The following CDH8 variants were observed in gnomAD, a reference collection of about 807,000 sequenced individuals.
The protein encoded by CDH8 is cadherin-8.
A neutral mutation model predicts 68.1 loss-of-function variants in CDH8; 17 were observed. That is an observed-to-expected ratio of 0.25 (90% CI 0.17 to 0.37). The LOEUF (loss-of-function observed/expected upper bound fraction) is 0.37. CDH8 is among the 10% of genes least tolerant of loss of function. CDH8 has a pLI of 1.00. For missense variants in CDH8, 763 were observed against 999.3 expected, an observed-to-expected ratio of 0.76 and a Z score of 3.19; for synonymous variants, 372 against 365.1, an observed-to-expected ratio of 1.02 and a Z score of -0.21.
At chr16:61,847,267 C>G (rs899408068) in intron 4 of CDH8, among the ~76,000 whole-genome samples, 1 of 151,932 alleles carries the variant, frequency 6.6e-6, no homozygotes, top group Non-Finnish European at 1.5e-5. Flanking sequence ...AGATCCCTGT[C>G]CATATGGCAC....
At chr16:61,812,745 T>C (rs948897807) in intron 7 of CDH8, among the ~76,000 whole-genome samples, 13 of 152,222 alleles carry the variant, frequency 8.5e-5, no homozygotes, top group African/African-American at 3.1e-4. Flanking sequence ...TAAACACGAC[T>C]GTCATCATCG....
intron 8 of CDH8, among the ~76,000 whole-genome samples, chr16:61,769,635 A>G (rs1166693509): frequency 7.6e-6 from 1 of 131,048 alleles, no homozygotes; most frequent in Admixed American, 7.7e-5. Flanking sequence ...AATCCCATGG[A>G]TTGAATCAAC....
At chr16:61,814,080 A>C (rs1487067864) in intron 7 of CDH8, among the ~76,000 whole-genome samples, 1 of 152,200 alleles carries the variant, frequency 6.6e-6, no homozygotes, top group Non-Finnish European at 1.5e-5. Flanking sequence ...TAACCCTACT[A>C]GCTACCACAT....
At chr16:61,836,619 G>C (rs1253905376) in intron 4 of CDH8, among the ~76,000 whole-genome samples, 1 of 151,958 alleles carries the variant, frequency 6.6e-6, no homozygotes, top group African/African-American at 2.4e-5. Flanking sequence ...ATTTCAATGA[G>C]AGATCTTTGG....
chr16:61,928,406 C>T (rs546248655), intron 2 of CDH8, among the ~76,000 whole-genome samples: 1 of 152,304 alleles, frequency 6.6e-6, no homozygotes, highest in Admixed American at 6.5e-5. Flanking sequence ...GAAACCTTGT[C>T]AGCTCTAAGA....
chr16:61,997,681 T>C (rs1965828010), intron 2 of CDH8, among the ~76,000 whole-genome samples: 1 of 152,160 alleles, frequency 6.6e-6, no homozygotes, highest in South Asian at 2.1e-4. Flanking sequence ...TAAGCAAAGT[T>C]AGCATCATCA....
At chr16:61,751,382 TAAAAAAAAAAAAAAAA>T (rs71134375) in intron 8 of CDH8, among the ~76,000 whole-genome samples, 207 of 54,162 alleles carry the variant, frequency 3.8e-3, no homozygotes, top group African/African-American at 0.015. Context: ...ATATTCTCCT[TAAAAAAAAAAAAAAAA>T]AAAAAAAAAA....
At chr16:61,681,224 A>C (rs903905841) in intron 10 of CDH8, among the ~76,000 whole-genome samples, 1 of 151,946 alleles carries the variant, frequency 6.6e-6, no homozygotes, top group Non-Finnish European at 1.5e-5. Flanking sequence ...CCTGCCCACA[A>C]GTGTTTATAG....
At chr16:61,931,305 G>A (rs931360573) in intron 2 of CDH8, among the ~76,000 whole-genome samples, 3 of 151,948 alleles carry the variant, frequency 2.0e-5, no homozygotes, top group Non-Finnish European at 2.9e-5. Flanking sequence ...CTGAGGCCAC[G>A]AGTGCACACA....
At chr16:61,835,871 G>A (rs568255156) in intron 4 of CDH8, among the ~76,000 whole-genome samples, 1 of 151,828 alleles carries the variant, frequency 6.6e-6, no homozygotes, top group South Asian at 2.1e-4. Flanking sequence ...AGAGAGAATG[G>A]GGCACTGGCC....
intron 1 of CDH8, among the ~76,000 whole-genome samples, chr16:62,023,324 G>C (rs905089429): frequency 6.6e-6 from 1 of 152,050 alleles, no homozygotes; most frequent in Non-Finnish European, 1.5e-5. Flanking sequence ...AGGACTGTCT[G>C]TTCTGGAAAC....
intron 3 of CDH8, among the ~76,000 whole-genome samples, chr16:61,897,269 T>C (rs909037557): frequency 3.9e-5 from 6 of 152,028 alleles, no homozygotes; most frequent in African/African-American, 1.4e-4. Flanking sequence ...ATTTTTTTTT[T>C]TGAGACGGAG....
At chr16:61,710,700 T>G (rs1447687711) in intron 10 of CDH8, 2 of 152,150 alleles carry the variant, frequency 1.3e-5, no homozygotes, top group East Asian at 3.9e-4. Context: ...GTATAAACCA[T>G]GAGGGCTCCC....
chr16:61,819,370 C>G (rs1227799400), intron 6 of CDH8, among the ~76,000 whole-genome samples: 1 of 151,894 alleles, frequency 6.6e-6, no homozygotes. Context: ...CAGTTTATAA[C>G]AGCACTTTAT....
At position 61,647,905 on chromosome 16, in the gene CDH8, A is replaced by T. The variant is rs1963239885; in HGVS notation, c.*5703T>A. 4 of 695,168 alleles carry T rather than the reference A, an allele frequency of 5.8e-6. No homozygotes were observed. The highest frequency in any genetic ancestry group is 1.8e-5 in the African/African-American group (1 of 56,718). 43.1% of individuals were successfully genotyped at this position (695,168 alleles called of 1,614,324 possible). ...TTCTGTAATCTGTGGATAATAATAG[A>T]AATATCTATTATCTATTAGTAGGGA... is the stretch of plus-strand genomic sequence containing the variant. On this transcript the variant is annotated 3_prime_UTR_variant, in exon 12 of 12. Coordinates refer to ENST00000577390, the MANE Select transcript of CDH8 (RefSeq NM_001796.5).
At chr16:61,757,780 G>C (rs977047516) in intron 8 of CDH8, among the ~76,000 whole-genome samples, 9 of 152,144 alleles carry the variant, frequency 5.9e-5, no homozygotes, top group African/African-American at 2.2e-4. Context: ...GAACTGGGTA[G>C]TCAGTCTCTT....
rs75990366 is a variant in CDH8 at position 61,888,752 on chromosome 16, G to A, written c.547+12427C>T. The stretch of plus-strand genomic sequence containing the variant: ...AACCTTAAGCTGATAACATCACTTT[G>A]GATTTCAGAAGGAATAATGTACAGA... On this transcript the variant is annotated intron_variant, in intron 3 of 11. Transcript: ENST00000577390. 2.3e-3 allele frequency among the ~76,000 whole-genome samples: 348 copies of A among 152,100 alleles called. 2 individuals are homozygous for A. Among genetic ancestry groups the A allele is most frequent in the African/African-American group, 8.1e-3 (336 of 41,506 alleles).
At chr16:61,946,321 C>T (rs78055064) in intron 2 of CDH8, among the ~76,000 whole-genome samples, 28 of 152,302 alleles carry the variant, frequency 1.8e-4, no homozygotes, top group African/African-American at 6.7e-4. Flanking sequence ...ACTGGGAACT[C>T]TTTTCTATTT....
intron 3 of CDH8, among the ~76,000 whole-genome samples, chr16:61,869,204 C>G (rs992340238): frequency 6.6e-6 from 1 of 152,154 alleles, no homozygotes; most frequent in South Asian, 2.1e-4. Context: ...TGCCACCAAA[C>G]TGTTCCTGGT....
Sources: allele counts gnomAD v4.1 joint callset (sites outside exome capture counted in the v4.1 genomes callset), GRCh38; gene constraint gnomAD v4.1.1; transcripts MANE v1.5; gene names NCBI Gene and HGNC (gene_info 2026-07-23, HGNC 2026-07-21).